The following LARGE1 variants were observed in gnomAD, a reference collection of about 807,000 sequenced individuals.
LARGE1 encodes the protein xylosyl- and glucuronyltransferase LARGE1.
A neutral mutation model predicts 87.6 loss-of-function variants in LARGE1; 43 were observed. That is an observed-to-expected ratio of 0.49 (90% confidence interval 0.38 to 0.63). The LOEUF is 0.63. Among genes scored for constraint, LARGE1 ranks in the 30% least tolerant of loss-of-function variants. The pLI, the probability that LARGE1 is intolerant of heterozygous loss-of-function variation, is 0.00. For missense variants in LARGE1, 802 were observed against 1,000.2 expected, an observed-to-expected ratio of 0.80 and a Z score of 2.67; for synonymous variants, 434 against 394.6, an observed-to-expected ratio of 1.10 and a Z score of -1.18.
chr22:33,274,710 G>C (rs776133553), intron 14 of LARGE1, 86 bp from the exon 15 acceptor site: 136 of 1,173,356 alleles, frequency 1.2e-4, no homozygotes, highest in Non-Finnish European at 1.7e-4. Context: ...TGAATGGCTA[G>C]TGAATGAATG....
At chr22:33,514,216 C>T (rs1047952694) in intron 6 of LARGE1, among the ~76,000 whole-genome samples, 1 of 151,748 alleles carries the variant, frequency 6.6e-6, no homozygotes, top group Non-Finnish European at 1.5e-5. Context: ...CCTGTGGATA[C>T]TGAGGGATGA....
chr22:33,868,716 C>T (rs1338171849), intron 1 of LARGE1, among the ~76,000 whole-genome samples: 1 of 152,138 alleles, frequency 6.6e-6, no homozygotes, highest in East Asian at 1.9e-4. Context: ...CTAGTGATTG[C>T]CCACGCCCTG....
At chr22:33,474,102 C>T (rs1198603203) in intron 6 of LARGE1, among the ~76,000 whole-genome samples, 1 of 152,160 alleles carries the variant, frequency 6.6e-6, no homozygotes, top group East Asian at 1.9e-4. Context: ...TAATCTTTTT[C>T]ACTCAAAGGG....
At chr22:33,697,699 C>T (rs545650026) in intron 2 of LARGE1, among the ~76,000 whole-genome samples, 26 of 152,244 alleles carry the variant, frequency 1.7e-4, no homozygotes, top group South Asian at 4.1e-4. Context: ...CCTTCTTCTG[C>T]GGTGCGCTGC....
intron 2 of LARGE1, among the ~76,000 whole-genome samples, chr22:33,690,860 C>G (rs1288846090): frequency 6.6e-6 from 1 of 152,070 alleles, no homozygotes; most frequent in Non-Finnish European, 1.5e-5. Context: ...CTCCCTCCAC[C>G]CACACCTTTC....
chr22:33,184,010 C>T (rs1923334283), intron 11 of LARGE1, among the ~76,000 whole-genome samples: 1 of 146,822 alleles, frequency 6.8e-6, no homozygotes, highest in Non-Finnish European at 1.5e-5. Flanking sequence ...AGTGTCCTCA[C>T]CAACCCTAAC....
intron 12 of LARGE1, 129 bp downstream of exon 12, chr22:33,304,100 G>T: frequency 1.9e-6 from 2 of 1,035,752 alleles, no homozygotes; most frequent in Non-Finnish European, 1.4e-6. Flanking sequence ...CCCCTTTCTG[G>T]GTCTCTGCTG....
At chr22:33,633,867 C>T (rs535643915) in intron 3 of LARGE1, among the ~76,000 whole-genome samples, 2 of 152,178 alleles carry the variant, frequency 1.3e-5, no homozygotes, top group South Asian at 4.2e-4. Flanking sequence ...CAGGCAGCAG[C>T]GAGGGTCAGA....
In LARGE1 at chr22:33,493,808, G is replaced by A. The variant is rs150367812; in HGVS notation, c.788-61543C>T. On this transcript the variant is annotated intron_variant, in intron 6 of 14. Coordinates refer to ENST00000397394, the MANE Select transcript of LARGE1 (RefSeq NM_133642.5). ...CAATGACTCCAGGTACCCAGCCTCT[G>A]TGGTCCACATCTGCATAGTATAGAG... is the stretch of plus-strand genomic sequence containing the variant. Among the ~76,000 whole-genome samples the A allele has an allele frequency of 1.8e-3, 278 of 152,280 alleles. 1 individual carries two copies. Among genetic ancestry groups the A allele is most frequent in the African/African-American group, 6.3e-3 (262 of 41,554 alleles).
At chr22:33,543,765 T>C (rs1009127057) in intron 6 of LARGE1, among the ~76,000 whole-genome samples, 3 of 152,158 alleles carry the variant, frequency 2.0e-5, no homozygotes, top group Admixed American at 2.0e-4. Flanking sequence ...CTCAGATCTG[T>C]TTGCCCTCTC....
chr22:33,537,507 C>T (rs1248279366), intron 6 of LARGE1, among the ~76,000 whole-genome samples: 3 of 152,194 alleles, frequency 2.0e-5, no homozygotes, highest in African/African-American at 7.2e-5. Flanking sequence ...GATACTCCCT[C>T]CATCTCAAGA....
At chr22:33,667,843 C>T (rs926024153) in intron 2 of LARGE1, among the ~76,000 whole-genome samples, 24 of 152,218 alleles carry the variant, frequency 1.6e-4, no homozygotes, top group African/African-American at 3.9e-4. Context: ...AGGACATGCC[C>T]GCTGTCTGAA....
intron 10 of LARGE1, among the ~76,000 whole-genome samples, chr22:33,327,823 A>G (rs919077464): frequency 6.6e-6 from 1 of 152,188 alleles, no homozygotes; most frequent in Non-Finnish European, 1.5e-5. Context: ...GATTACAGGT[A>G]TGAGCCACTA....
intron 1 of LARGE1, among the ~76,000 whole-genome samples, chr22:33,778,057 T>C (rs1486475292): frequency 6.6e-6 from 1 of 152,066 alleles, no homozygotes; most frequent in Non-Finnish European, 1.5e-5. Context: ...TGAGGTGCAA[T>C]GAAAGGAGAA....
intron 7 of LARGE1, among the ~76,000 whole-genome samples, chr22:33,419,858 T>TA (rs2066632376): frequency 6.6e-6 from 1 of 152,126 alleles, no homozygotes; most frequent in Non-Finnish European, 1.5e-5. Context: ...CACACCCAGC[T>TA]AATTTTTGTG....
In LARGE1 at chr22:33,802,741, G is replaced by C. The variant is rs572347638; in HGVS notation, c.-82-41183C>G. 3.3e-5 allele frequency among the ~76,000 whole-genome samples: 5 copies of C among 152,232 alleles called. No individual in the cohort carries two copies. In the South Asian group the frequency reaches 1.0e-3, roughly 32 times the overall value. On this transcript the variant is annotated intron_variant, in intron 1 of 14. Coordinates refer to ENST00000397394, the MANE Select transcript of LARGE1 (RefSeq NM_133642.5). ...AGAAAGAATTGTGCACTTCTATCTA[G>C]GAATAAATATTTATTCCCAGGTCTA...
At chr22:33,183,503 G>A (rs1043415075) in intron 11 of LARGE1, among the ~76,000 whole-genome samples, 3 of 151,998 alleles carry the variant, frequency 2.0e-5, no homozygotes, top group Non-Finnish European at 4.4e-5. Context: ...AATGAAATCA[G>A]CAGTGTCTCA....
rs936470825 is a variant in LARGE1, at chr22:33,462,565, G to A, written c.788-30300C>T. 3.3e-5 allele frequency among the ~76,000 whole-genome samples: 5 copies of A among 152,136 alleles called. 1 individual carries two copies. In the South Asian group the frequency reaches 6.2e-4, roughly 19 times the overall value. On this transcript the variant is annotated intron_variant, in intron 6 of 14. Coordinates refer to ENST00000397394, the MANE Select transcript of LARGE1 (RefSeq NM_133642.5). The stretch of plus-strand genomic sequence containing the variant: ...AGGGAGGCCGAGGTGGGTGGATCAC[G>A]AGGTCAGGAGTTTGAGACTAGCCTG...
intron 9 of LARGE1, among the ~76,000 whole-genome samples, chr22:33,365,997 T>C (rs2064575195): frequency 6.6e-6 from 1 of 152,244 alleles, no homozygotes; most frequent in Non-Finnish European, 1.5e-5. Context: ...ATTTATGGTA[T>C]GCGTTTTTGA....
Sources: gnomAD v4.1 joint callset for allele counts (sites outside exome capture counted in the v4.1 genomes callset) on GRCh38, gnomAD v4.1.1 for gene constraint, MANE v1.5 for transcripts, NCBI Gene and HGNC (gene_info 2026-07-23, HGNC 2026-07-21) for gene names.